TSPAN2: variants seen among roughly 807,000 people sequenced by gnomAD.
The protein encoded by TSPAN2 is tetraspanin-2.
Under a neutral mutation model 33.3 loss-of-function variants are expected in TSPAN2, and 24 were observed. The observed-to-expected ratio is 0.72, with a 90% CI of 0.52 to 1.01. TSPAN2 has a LOEUF of 1.01. Ranked by LOEUF, TSPAN2 falls within the 50% of genes least tolerant of loss-of-function variation. TSPAN2 has a pLI of 0.00. For missense variants in TSPAN2, 278 were observed against 281.3 expected, an observed-to-expected ratio of 0.99 and a Z score of 0.08; for synonymous variants, 114 against 104.5, an observed-to-expected ratio of 1.09 and a Z score of -0.56.
intron 6 of TSPAN2, among the ~76,000 whole-genome samples, chr1:115,055,019 A>G (rs1647337622): frequency 6.6e-6 from 1 of 152,014 alleles, no homozygotes. Flanking sequence ...ATAATAAAAG[A>G]CAGTTAACTT....
At chr1:115,070,482 C>T (rs2101037327) in intron 2 of TSPAN2, among the ~76,000 whole-genome samples, 1 of 149,650 alleles carries the variant, frequency 6.7e-6, no homozygotes, top group Non-Finnish European at 1.5e-5. Flanking sequence ...CCAAATCATT[C>T]TTCTACTGTT....
intron 2 of TSPAN2, among the ~76,000 whole-genome samples, chr1:115,072,163 G>T (rs1004629469): frequency 2.4e-4 from 36 of 152,130 alleles, no homozygotes; most frequent in African/African-American, 8.7e-4. Flanking sequence ...TAATCCCAGG[G>T]CAACAATGCT....
rs758871906 is a variant in TSPAN2, at chr1:115,057,581, C to T, written c.472G>A (p.Glu158Lys). The change falls in exon 6 of 8, where the codon GAA becomes AAA. Residue 158 changes from glutamate (E) to lysine (K), a missense_variant. Coordinates refer to ENST00000369516, the MANE Select transcript of TSPAN2 (RefSeq NM_005725.6). Reference protein sequence around the residue: ...TFQCCGKESSEQVQPTCPKEL... With the variant: ...TFQCCGKESSKQVQPTCPKEL... ...TTTGGGCATGTAGGTTGGACCTGTT[C>T]GGAGCTTTCTTTTCCACAGCACTGA... 80 of 1,613,988 alleles carry T rather than the reference C, an allele frequency of 5.0e-5. No individual in the cohort carries two copies. The highest frequency in any genetic ancestry group is 9.9e-5 in the South Asian group (9 of 91,064).
chr1:115,070,073 G>C (rs1253495324), intron 2 of TSPAN2, among the ~76,000 whole-genome samples: 1 of 152,228 alleles, frequency 6.6e-6, no homozygotes, highest in African/African-American at 2.4e-5. Flanking sequence ...GGTTGCTCCC[G>C]GGGAGGTCTT....
intron 1 of TSPAN2, among the ~76,000 whole-genome samples, chr1:115,079,239 C>A (rs17479252): frequency 6.6e-6 from 1 of 151,744 alleles, no homozygotes; most frequent in Non-Finnish European, 1.5e-5. Context: ...GGGTGAATAC[C>A]AACTCATTTG....
rs779307806 is a variant in TSPAN2 at position 115,057,569 on chromosome 1, G to T, written c.484C>A (p.Pro162Thr). Residue 162 changes from proline to threonine, a missense_variant, in exon 6 of 8, where the codon CCT becomes ACT. Physicochemically the swap from Pro to Thr is conservative, Grantham distance 38. Coordinates refer to ENST00000369516, the MANE Select transcript of TSPAN2 (RefSeq NM_005725.6). ...CGKESSEQVQPTCPKELLGHK... is the reference protein window; with the variant it reads ...CGKESSEQVQTTCPKELLGHK... ...CCTAGAAGCTCCTTTGGGCATGTAGGTTGGACCTGTTCGGAGCTTTCTTTT... is the reference window on the plus strand; with the variant it reads ...CCTAGAAGCTCCTTTGGGCATGTAGTTTGGACCTGTTCGGAGCTTTCTTTT... 3 of 1,614,174 alleles carry T rather than the reference G, an allele frequency of 1.9e-6. No individual in the cohort carries two copies. The highest frequency in any genetic ancestry group is 2.2e-5 in the South Asian group (2 of 91,086).
chr1:115,071,150 G>T (rs1472386050), intron 2 of TSPAN2, among the ~76,000 whole-genome samples: 1 of 152,176 alleles, frequency 6.6e-6, no homozygotes, highest in African/African-American at 2.4e-5. Flanking sequence ...CCCTCCCCAG[G>T]CCCAGGGGAG....
Position 115,053,427 on chromosome 1 carries a change from A to AAC in TSPAN2, c.550_551dup (p.Lys185LeufsTer16), listed in dbSNP as rs1339650594. The AAC allele has an allele frequency of 6.2e-7, 1 of 1,614,004 alleles. No homozygotes were observed. The highest frequency in any genetic ancestry group is 2.2e-5 in the East Asian group (1 of 44,854). On this transcript the variant is annotated frameshift_variant, in exon 7 of 8. Coordinates refer to ENST00000369516, the MANE Select transcript of TSPAN2 (RefSeq NM_005725.6). LOFTEE classifies it high-confidence loss of function. Reference sequence around the variant, plus strand: ...CGACAATTCCAATGAGCTGGAGCTTAACACTGATTATGGTCTCAATTTCAT... The same window carrying AAC: ...CGACAATTCCAATGAGCTGGAGCTTAACACACTGATTATGGTCTCAATTTCAT...
chr1:115,087,646 C>T (rs1329749695), intron 1 of TSPAN2, among the ~76,000 whole-genome samples: 1 of 149,226 alleles, frequency 6.7e-6, no homozygotes, highest in African/African-American at 2.5e-5. Context: ...AGAAGGTAGG[C>T]TGAGTTTGAA....
At chr1:115,062,393 T>C (rs1294212748) in intron 2 of TSPAN2, among the ~76,000 whole-genome samples, 161 bp from the exon 3 acceptor site, 1 of 152,104 alleles carries the variant, frequency 6.6e-6, no homozygotes, top group Non-Finnish European at 1.5e-5. Flanking sequence ...CCCCAAAAGG[T>C]AAAGCGATTT....
chr1:115,068,204 C>T (rs1031567141), intron 2 of TSPAN2, among the ~76,000 whole-genome samples: 14 of 152,216 alleles, frequency 9.2e-5, no homozygotes, highest in Non-Finnish European at 1.6e-4. Flanking sequence ...GTCCTCATTT[C>T]CCACAGCTGG....
At chr1:115,088,573 AG>A in intron 1 of TSPAN2, among the ~76,000 whole-genome samples, 1 of 152,198 alleles carries the variant, frequency 6.6e-6, no homozygotes, top group Non-Finnish European at 1.5e-5. Flanking sequence ...ACAAGGGTCA[AG>A]ATCCTATCTC....
At chr1:115,062,313 T>C in intron 2 of TSPAN2, 81 bp from the exon 3 acceptor site, 1 of 1,040,164 alleles carries the variant, frequency 9.6e-7, no homozygotes, top group Non-Finnish European at 1.4e-6. Flanking sequence ...CTCTGGGCAC[T>C]GCAGAGCATT....
In TSPAN2 at chr1:115,089,374, A is replaced by T; in HGVS notation, c.59T>A (p.Leu20Gln). 1 of 1,592,748 alleles carries T rather than the reference A, an allele frequency of 6.3e-7. No homozygotes were observed. The highest frequency in any genetic ancestry group is 1.1e-5 in the South Asian group (1 of 88,256). The change falls in exon 1 of 8, where the codon CTG becomes CAG. Residue 20 changes from leucine (L) to glutamine (Q), a missense_variant. By Grantham distance (113) the Leu-to-Gln change is moderately radical. Transcript: ENST00000369516. The stretch of plus-strand genomic sequence containing the variant: ...GGCTCCTGGTCTCACCCAGAAGAGC[A>T]GGTTGAAGCCAAGCAGCAGGTACTT... The part of the protein sequence containing the change: ...CIKYLLLGFN[L>Q]LFWLAGSAVI...
intron 2 of TSPAN2, among the ~76,000 whole-genome samples, chr1:115,067,014 T>A (rs1233080935): frequency 6.6e-6 from 1 of 152,230 alleles, no homozygotes; most frequent in South Asian, 2.1e-4. Context: ...CAATATTTAC[T>A]GAGGGCTCAC....
intron 4 of TSPAN2, among the ~76,000 whole-genome samples, chr1:115,059,759 T>C (rs1647595522): frequency 6.6e-6 from 1 of 152,220 alleles, no homozygotes; most frequent in Non-Finnish European, 1.5e-5. Context: ...ACACAGCCAG[T>C]TACTTTAGAA....
At position 115,060,557 on chromosome 1, in the gene TSPAN2, A is replaced by G; in HGVS notation, c.271-19T>C. 6.3e-7 allele frequency: 1 copy of G among 1,592,426 alleles called. No individual in the cohort carries two copies. The highest frequency in any genetic ancestry group is 8.6e-7 in the Non-Finnish European group (1 of 1,164,110). The stretch of plus-strand genomic sequence containing the variant: ...TAAAAAACTGTAGAGGAGAGAAAAT[A>G]CTAATTTCATTAATTTAATACCTTT... On this transcript the variant is annotated intron_variant, in intron 3 of 7. Coordinates refer to ENST00000369516, the MANE Select transcript of TSPAN2 (RefSeq NM_005725.6).
intron 2 of TSPAN2, among the ~76,000 whole-genome samples, chr1:115,065,298 G>C (rs1274292412): frequency 6.6e-6 from 1 of 152,092 alleles, no homozygotes; most frequent in Admixed American, 6.5e-5. Flanking sequence ...CCTTCTTATG[G>C]TCTGACCCTC....
At position 115,058,963 on chromosome 1, in the gene TSPAN2, T is replaced by G; in HGVS notation, c.364A>C (p.Thr122Pro). ...GKGVAIRHVQTMYEEAYNDYL... is the reference protein window; with the variant it reads ...GKGVAIRHVQPMYEEAYNDYL... ...TCATTGTAAGCCTCTTCATACATGG[T>G]CTGAACATGTCGGATAGCCTGAAGA... is the stretch of plus-strand genomic sequence containing the variant. The change falls in exon 5 of 8, where the codon ACC (threonine) becomes CCC (proline). Residue 122 changes from threonine (T) to proline (P), a missense_variant. By Grantham distance (38) the Thr-to-Pro change is conservative (BLOSUM62 -1). Coordinates refer to ENST00000369516, the MANE Select transcript of TSPAN2 (RefSeq NM_005725.6). 6 of 1,613,864 alleles carry G rather than the reference T, an allele frequency of 3.7e-6. No homozygotes were observed. Among genetic ancestry groups the G allele is most frequent in the Non-Finnish European group, 5.1e-6 (6 of 1,179,878 alleles).
Sources: gnomAD v4.1 joint callset for allele counts (sites outside exome capture counted in the v4.1 genomes callset) on GRCh38, gnomAD v4.1.1 for gene constraint, MANE v1.5 for transcripts, NCBI Gene and HGNC (gene_info 2026-07-23, HGNC 2026-07-21) for gene names.